The following PRKAA1 variants were observed in gnomAD, a reference collection of about 807,000 sequenced individuals.
The protein encoded by PRKAA1 is protein kinase AMP-activated catalytic subunit alpha 1.
Under a neutral mutation model 56.9 loss-of-function variants are expected in PRKAA1, and 23 were observed. The ratio of observed to expected loss-of-function variants is 0.40; its 90% CI spans 0.29 to 0.57. The LOEUF is 0.57. Among genes scored for constraint, PRKAA1 ranks in the 20% least tolerant of loss-of-function variants. The pLI is 0.39. For synonymous variants in PRKAA1, 226 were observed against 227.0 expected (o/e 1.00, Z 0.04); for missense variants, 413 against 679.7 (o/e 0.61, Z 4.36).
At position 40,764,653 on chromosome 5, in the gene PRKAA1, A is replaced by G. The variant is rs770355606; in HGVS notation, c.1309-13T>C. ...ATGGGTTTACAACCTAGCACATGGT[A>G]TAACAAAAACCAAGTCAAAAGTAAT... On this transcript the variant is annotated splice_polypyrimidine_tract_variant and intron_variant, in intron 7 of 8. Transcript: ENST00000397128. The G allele has an allele frequency of 6.2e-6, 10 of 1,610,886 alleles. No individual in the cohort carries two copies. The South Asian group carries it at 1.1e-4, about 18-fold the overall frequency.
At chr5:40,785,611 T>G (rs1744435154) in intron 1 of PRKAA1, among the ~76,000 whole-genome samples, 1 of 152,000 alleles carries the variant, frequency 6.6e-6, no homozygotes, top group Non-Finnish European at 1.5e-5. Flanking sequence ...AAAGAAAGCA[T>G]AAAACTAAAA....
At chr5:40,767,289 G>A (rs990600918) in intron 6 of PRKAA1, among the ~76,000 whole-genome samples, 177 bp downstream of exon 6, 2 of 151,966 alleles carry the variant, frequency 1.3e-5, no homozygotes, top group African/African-American at 4.8e-5. Context: ...CTTCCCTAAG[G>A]TAACCAGTTT....
chr5:40,760,651 G>A lies in PRKAA1; in HGVS notation c.*2127C>T, dbSNP rs1209828974. On this transcript the variant is annotated 3_prime_UTR_variant, in exon 9 of 9. Transcript: ENST00000397128. ...ACTTTGTACAGCTTTCAAATTAGAAGTTGAATAGAACAAGCCCTGGACAAA... is the reference window on the plus strand; with the variant it reads ...ACTTTGTACAGCTTTCAAATTAGAAATTGAATAGAACAAGCCCTGGACAAA... The A allele has an allele frequency of 2.0e-5, 3 of 152,676 alleles. No individual in the cohort carries two copies. The highest frequency in any genetic ancestry group is 4.4e-5 in the Non-Finnish European group (3 of 67,982). 9.5% of individuals were successfully genotyped at this position (152,676 alleles called of 1,614,324 possible).
At chr5:40,763,048 T>G (rs762450930) in intron 8 of PRKAA1, 26 bp from the exon 9 acceptor site, 2 of 1,612,160 alleles carry the variant, frequency 1.2e-6, no homozygotes, top group South Asian at 1.1e-5. Flanking sequence ...TTCAATTTAT[T>G]ATAGTCTATG....
chr5:40,766,143 G>C (rs1743423542), intron 6 of PRKAA1, among the ~76,000 whole-genome samples: 1 of 152,102 alleles, frequency 6.6e-6, no homozygotes, highest in East Asian at 1.9e-4. Flanking sequence ...AAATTTTAGA[G>C]AATGATTTGT....
At chr5:40,794,212 G>C (rs1223326505) in intron 1 of PRKAA1, among the ~76,000 whole-genome samples, 1 of 152,052 alleles carries the variant, frequency 6.6e-6, no homozygotes, top group Non-Finnish European at 1.5e-5. Context: ...GTATCACATT[G>C]TGGTTCTGAT....
chr5:40,778,268 T>C (rs1385914021), intron 1 of PRKAA1, among the ~76,000 whole-genome samples: 1 of 152,006 alleles, frequency 6.6e-6, no homozygotes, highest in Non-Finnish European at 1.5e-5. Flanking sequence ...AAAATAATAA[T>C]ATATTTAGAC....
chr5:40,783,247 G>A (rs1744335366), intron 1 of PRKAA1, among the ~76,000 whole-genome samples: 2 of 152,006 alleles, frequency 1.3e-5, no homozygotes, highest in South Asian at 4.1e-4. Flanking sequence ...CAATTTCAGA[G>A]AACAGTTTAA....
chr5:40,769,636 G>T (rs892770674), intron 4 of PRKAA1, 133 bp from the exon 5 acceptor site: 3 of 716,904 alleles, frequency 4.2e-6, no homozygotes, highest in Non-Finnish European at 7.0e-6. Context: ...AAAATCCTAT[G>T]GTCTATTGTA....
chr5:40,770,930 C>G (rs984840871), intron 4 of PRKAA1, among the ~76,000 whole-genome samples: 2 of 151,784 alleles, frequency 1.3e-5, no homozygotes, highest in African/African-American at 4.8e-5. Context: ...GTTCTTTAAA[C>G]AAATTATAAT....
At chr5:40,796,448 A>AC (rs1561193290) in intron 1 of PRKAA1, among the ~76,000 whole-genome samples, 1 of 149,038 alleles carries the variant, frequency 6.7e-6, no homozygotes, top group Non-Finnish European at 1.5e-5. Flanking sequence ...AAAAATGAAC[A>AC]TTTTTTTTTT....
chr5:40,786,786 CAAAA>C (rs34749478), intron 1 of PRKAA1, among the ~76,000 whole-genome samples: 2 of 43,512 alleles, frequency 4.6e-5, no homozygotes, highest in Non-Finnish European at 4.0e-5. Flanking sequence ...ACTAAAAATA[CAAAA>C]AAAAAAAAAA....
At chr5:40,763,651 A>G (rs560181290) in intron 8 of PRKAA1, among the ~76,000 whole-genome samples, 2 of 152,352 alleles carry the variant, frequency 1.3e-5, no homozygotes, top group East Asian at 3.9e-4. Flanking sequence ...TTCAATTGGT[A>G]TACCCCAGTA....
rs551830348 is a variant in PRKAA1, at chr5:40,768,525, T to C, written c.597-835A>G. On this transcript the variant is annotated intron_variant, in intron 5 of 8. Coordinates refer to ENST00000397128, the MANE Select transcript of PRKAA1 (RefSeq NM_006251.6). ...TTTTTAAATAATTTTTGACATTAAG[T>C]TAATATTTAAAAAAAAGATGAAACT... The C allele has an allele frequency of 2.7e-5, 26 of 959,922 alleles. No individual in the cohort carries two copies. The African/African-American group carries it at 4.7e-4, about 18-fold the overall frequency. 59.5% of individuals were successfully genotyped at this position (959,922 alleles called of 1,614,324 possible). A position where few individuals can be genotyped will look rare whatever the true frequency, so the allele number is the denominator to read the frequency against.
At chr5:40,777,394 C>G (rs1044602002) in intron 2 of PRKAA1, 51 bp downstream of exon 2, 35 of 1,529,070 alleles carry the variant, frequency 2.3e-5, no homozygotes, top group Non-Finnish European at 3.0e-5. Flanking sequence ...AGTAGGTTAA[C>G]AAAAAAGATG....
intron 5 of PRKAA1, chr5:40,768,820 T>C: frequency 6.7e-7 from 1 of 1,490,174 alleles, no homozygotes; most frequent in Non-Finnish European, 8.9e-7. Context: ...TTCTTAAAAA[T>C]ATTAAATTCT....
intron 1 of PRKAA1, among the ~76,000 whole-genome samples, chr5:40,794,141 C>G (rs1294001511): frequency 6.6e-6 from 1 of 151,900 alleles, no homozygotes; most frequent in Admixed American, 6.6e-5. Flanking sequence ...CACATGCACA[C>G]TAAAATCTAT....
intron 1 of PRKAA1, among the ~76,000 whole-genome samples, chr5:40,780,668 G>A (rs1744231841): frequency 6.6e-6 from 1 of 152,158 alleles, no homozygotes; most frequent in Non-Finnish European, 1.5e-5. Flanking sequence ...GGCTGCTGGT[G>A]TATGTCCTAG....
intron 8 of PRKAA1, among the ~76,000 whole-genome samples, chr5:40,763,555 G>T (rs1047904539): frequency 6.6e-6 from 1 of 152,092 alleles, no homozygotes; most frequent in Non-Finnish European, 1.5e-5. Context: ...ATTTCATTTA[G>T]TATTTCATAA....
Sources: gnomAD v4.1 joint callset for allele counts (sites outside exome capture counted in the v4.1 genomes callset) on GRCh38, gnomAD v4.1.1 for gene constraint, MANE v1.5 for transcripts, NCBI Gene and HGNC (gene_info 2026-07-23, HGNC 2026-07-21) for gene names.